The following NTRK2 variants were observed in gnomAD, a reference collection of about 807,000 sequenced individuals.
NTRK2 encodes BDNF/NT-3 growth factors receptor.
Under a neutral mutation model 94.5 loss-of-function variants are expected in NTRK2, and 13 were observed. That is an observed-to-expected ratio of 0.14 (90% confidence interval 0.09 to 0.22). The LOEUF is 0.22. NTRK2 is among the 10% of genes least tolerant of loss of function. NTRK2 has a pLI of 1.00. For synonymous variants in NTRK2, 372 were observed against 407.4 expected, an observed-to-expected ratio of 0.91 and a Z score of 1.05; for missense variants, 639 against 1,071.2, an observed-to-expected ratio of 0.60 and a Z score of 5.63.
chr9:84,869,247 A>G (rs952942429), intron 14 of NTRK2, among the ~76,000 whole-genome samples: 3 of 152,110 alleles, frequency 2.0e-5, no homozygotes, highest in Admixed American at 6.5e-5. Context: ...TGGCTCAGTC[A>G]TTCTGTGCCT....
At chr9:84,741,865 A>T (rs755509300) in intron 9 of NTRK2, 27 bp from the exon 10 acceptor site, 1 of 1,607,568 alleles carries the variant, frequency 6.2e-7, no homozygotes, top group Admixed American at 1.7e-5. Flanking sequence ...GCATACTTAC[A>T]AATCTTTGCT....
chr9:84,745,870 T>A (rs1057059327), intron 11 of NTRK2, among the ~76,000 whole-genome samples: 1 of 151,826 alleles, frequency 6.6e-6, no homozygotes, highest in Non-Finnish European at 1.5e-5. Flanking sequence ...TGTAGATTTA[T>A]GGCACAGTGA....
intron 17 of NTRK2, among the ~76,000 whole-genome samples, chr9:84,988,933 A>G (rs11140818): frequency 0.019 from 2,879 of 152,330 alleles, 53 homozygotes; most frequent in Middle Eastern, 0.044. Flanking sequence ...GGTGACAGAT[A>G]TTTTTGATAC....
intron 12 of NTRK2, among the ~76,000 whole-genome samples, chr9:84,845,938 A>G (rs2074449268): frequency 6.6e-6 from 1 of 151,964 alleles, no homozygotes; most frequent in Non-Finnish European, 1.5e-5. Context: ...AAAAAAAAAA[A>G]GAAGCCATAA....
chr9:84,749,897 A>G (rs1356571527), intron 11 of NTRK2, among the ~76,000 whole-genome samples: 1 of 152,196 alleles, frequency 6.6e-6, no homozygotes, highest in East Asian at 1.9e-4. Flanking sequence ...CTGCAGTAAC[A>G]AAACCTCCAC....
intron 14 of NTRK2, among the ~76,000 whole-genome samples, chr9:84,904,749 A>T (rs1336858952): frequency 6.6e-6 from 1 of 152,230 alleles, no homozygotes; most frequent in Non-Finnish European, 1.5e-5. Context: ...TGGTTAGAGT[A>T]TGAAGATAGC....
intron 14 of NTRK2, among the ~76,000 whole-genome samples, chr9:84,930,449 T>G (rs1309432414): frequency 6.6e-6 from 1 of 151,950 alleles, no homozygotes; most frequent in Admixed American, 6.6e-5. Context: ...GATAGAAGCT[T>G]CAAGACAGCT....
At chr9:84,798,759 C>T (rs952669620) in intron 12 of NTRK2, among the ~76,000 whole-genome samples, 1 of 151,962 alleles carries the variant, frequency 6.6e-6, no homozygotes, top group African/African-American at 2.4e-5. Flanking sequence ...ACCAGTGTGT[C>T]CTAACAAAGT....
chr9:84,779,415 T>A (rs568019138), intron 12 of NTRK2, among the ~76,000 whole-genome samples: 22 of 152,366 alleles, frequency 1.4e-4, no homozygotes, highest in Admixed American at 5.9e-4. Context: ...AGAACTCATA[T>A]GCCATGTTGC....
chr9:84,711,267 T>A (rs1272273090), intron 6 of NTRK2, among the ~76,000 whole-genome samples: 1 of 152,220 alleles, frequency 6.6e-6, no homozygotes, highest in East Asian at 1.9e-4. Flanking sequence ...CAGAGGTCTG[T>A]GTCTCTTGAT....
intron 6 of NTRK2, among the ~76,000 whole-genome samples, chr9:84,711,520 T>C (rs2061417674): frequency 6.6e-6 from 1 of 152,214 alleles, no homozygotes; most frequent in African/African-American, 2.4e-5. Context: ...CACACATGCA[T>C]GTTACTACCC....
rs1370309853 is a variant in NTRK2 at position 84,955,381 on chromosome 9, G to C, written c.2036G>C (p.Gly679Ala). 6.2e-7 allele frequency: 1 copy of C among 1,614,096 alleles called. No individual in the cohort carries two copies. Among genetic ancestry groups the C allele is most frequent in the Non-Finnish European group, 8.5e-7 (1 of 1,179,978 alleles). Reference sequence around the variant, plus strand: ...CATATAGCCCAGCAGATCGCCGCGGGCATGGTCTACCTGGCGTCCCAGCAC... The same window carrying C: ...CATATAGCCCAGCAGATCGCCGCGGCCATGGTCTACCTGGCGTCCCAGCAC... ...MLHIAQQIAA[G>A]MVYLASQHFV... Residue 679 changes from glycine (G) to alanine (A), a missense_variant, in exon 17 of 19, where the codon GGC (glycine) becomes GCC (alanine). By Grantham distance (60) the Gly-to-Ala change is moderately conservative (BLOSUM62 0). This residue lies in a region of NTRK2 where 343 missense variants were observed against 571.5 expected (regional missense o/e 0.60). Transcript: ENST00000277120.
intron 2 of NTRK2, among the ~76,000 whole-genome samples, chr9:84,687,315 A>AC (rs2059778823): frequency 6.6e-6 from 1 of 152,142 alleles, no homozygotes. Flanking sequence ...AGCCTAGGTG[A>AC]CCCTCTAGGA....
intron 12 of NTRK2, among the ~76,000 whole-genome samples, chr9:84,768,657 G>A (rs964868588): frequency 3.3e-5 from 5 of 152,196 alleles, no homozygotes; most frequent in Middle Eastern, 3.4e-3. Flanking sequence ...TTGTTTTGAC[G>A]TATCTGGTTA....
At chr9:84,885,325 C>T (rs1018819652) in intron 14 of NTRK2, among the ~76,000 whole-genome samples, 4 of 152,260 alleles carry the variant, frequency 2.6e-5, no homozygotes, top group African/African-American at 7.2e-5. Context: ...TGCTAAATCA[C>T]GAGATCGAGA....
At chr9:85,008,179 A>G (rs1831174108) in intron 17 of NTRK2, among the ~76,000 whole-genome samples, 1 of 151,844 alleles carries the variant, frequency 6.6e-6, no homozygotes, top group Non-Finnish European at 1.5e-5. Flanking sequence ...TAAGGAGTGA[A>G]CCAAACTGTA....
At chr9:84,924,229 TAGAAAGAAAGAAAGAA>T (rs774882842) in intron 14 of NTRK2, among the ~76,000 whole-genome samples, 3,646 of 115,668 alleles carry the variant, frequency 0.032, 69 homozygotes, top group Admixed American at 0.07. Context: ...AGAAAGAAAG[TAGAAAGAAAGAAAGAA>T]AGAAAGAAAG....
intron 14 of NTRK2, among the ~76,000 whole-genome samples, chr9:84,894,163 T>TGCGGG (rs2076685639): frequency 2.8e-4 from 2 of 7,144 alleles, no homozygotes; most frequent in African/African-American, 1.3e-3. Flanking sequence ...CTTGACTATT[T>TGCGGG]GGGAGAATAT....
intron 10 of NTRK2, among the ~76,000 whole-genome samples, chr9:84,743,645 C>G (rs1022772359): frequency 6.6e-6 from 1 of 152,154 alleles, no homozygotes; most frequent in Non-Finnish European, 1.5e-5. Context: ...TGACCCTTTC[C>G]CAGTTAATTC....
Sources: allele counts gnomAD v4.1 joint callset (sites outside exome capture counted in the v4.1 genomes callset), GRCh38; gene constraint gnomAD v4.1.1; regional missense constraint gnomAD v4.1.1; transcripts MANE v1.5; gene names NCBI Gene and HGNC (gene_info 2026-07-23, HGNC 2026-07-21).